The following ZNF385D variants were observed in gnomAD, a reference collection of about 807,000 sequenced individuals.
ZNF385D encodes the protein zinc finger protein 385D, also known as zinc finger protein 659.
ZNF385D carries 15 observed loss-of-function variants against 35.8 expected under a neutral mutation model. That is an observed-to-expected ratio of 0.42 (90% CI 0.28 to 0.64). ZNF385D has a LOEUF of 0.64. Ranked by LOEUF, ZNF385D falls within the 30% of genes least tolerant of loss-of-function variation. ZNF385D has a pLI of 0.23. For synonymous variants in ZNF385D, 212 were observed against 186.8 expected, an observed-to-expected ratio of 1.13 and a Z score of -1.10; for missense variants, 474 against 494.6, an observed-to-expected ratio of 0.96 and a Z score of 0.39.
chr3:21,514,175 G>A (rs139716866), intron 3 of ZNF385D, among the ~76,000 whole-genome samples: 1 of 152,244 alleles, frequency 6.6e-6, no homozygotes, highest in Non-Finnish European at 1.5e-5. Flanking sequence ...CTAAGAGATT[G>A]TGTCTTATTA....
intron 2 of ZNF385D, among the ~76,000 whole-genome samples, chr3:22,321,860 T>C (rs1292138523): frequency 6.6e-6 from 1 of 152,162 alleles, no homozygotes; most frequent in Non-Finnish European, 1.5e-5. Context: ...GAATCTTCAT[T>C]CTTTTAATAG....
intron 3 of ZNF385D, among the ~76,000 whole-genome samples, chr3:22,105,249 G>C (rs1463403508): frequency 6.6e-6 from 1 of 151,130 alleles, no homozygotes; most frequent in South Asian, 2.1e-4. Context: ...AAAATATTAA[G>C]TGCCAAATAG....
chr3:21,739,497 G>C (rs1271499192), intron 1 of ZNF385D, among the ~76,000 whole-genome samples: 3 of 152,104 alleles, frequency 2.0e-5, no homozygotes, highest in African/African-American at 7.2e-5. Context: ...AACACTAATG[G>C]ATAAACAAGG....
intron 3 of ZNF385D, among the ~76,000 whole-genome samples, chr3:21,823,549 T>G (rs1370934427): frequency 6.6e-6 from 1 of 152,158 alleles, no homozygotes; most frequent in Non-Finnish European, 1.5e-5. Context: ...CATTACAGCC[T>G]CTCTCTGGGG....
intron 2 of ZNF385D, among the ~76,000 whole-genome samples, chr3:22,245,519 T>C (rs1699729344): frequency 6.7e-6 from 1 of 149,368 alleles, no homozygotes; most frequent in African/African-American, 2.5e-5. Flanking sequence ...AAAATTAAAG[T>C]AGGGAGCGCA....
Position 22,080,875 on chromosome 3 carries a change from T to C in ZNF385D, c.325+87942A>G, listed in dbSNP as rs544971544. Among the ~76,000 whole-genome samples the C allele has an allele frequency of 2.0e-5, 3 of 152,236 alleles. No homozygotes were observed. In the East Asian group the frequency reaches 5.8e-4, roughly 29 times the overall value. ...GGACACAGTAAGAAGGCACCATCTA[T>C]GAACCACGAAACAGACACTCACCAG... On this transcript the variant is annotated intron_variant, in intron 3 of 5. Transcript: ENST00000494108.
intron 3 of ZNF385D, among the ~76,000 whole-genome samples, chr3:21,855,632 G>C (rs528351714): frequency 6.6e-6 from 1 of 152,078 alleles, no homozygotes; most frequent in African/African-American, 2.4e-5. Context: ...TACCAATATA[G>C]ACCTGGAGCT....
chr3:22,003,859 T>A (rs1696019915), intron 3 of ZNF385D, among the ~76,000 whole-genome samples: 1 of 143,128 alleles, frequency 7.0e-6, no homozygotes, highest in Non-Finnish European at 1.5e-5. Flanking sequence ...AAAGCAAGAC[T>A]CCATCCCCCC....
intron 3 of ZNF385D, among the ~76,000 whole-genome samples, chr3:21,842,317 G>C (rs974051345): frequency 3.3e-5 from 5 of 151,906 alleles, no homozygotes; most frequent in African/African-American, 1.2e-4. Context: ...TTAGGGTTTT[G>C]GGAGAAAAAG....
chr3:21,620,188 A>T (rs2064963738), intron 2 of ZNF385D, among the ~76,000 whole-genome samples: 1 of 152,182 alleles, frequency 6.6e-6, no homozygotes, highest in African/African-American at 2.4e-5. Context: ...ATAGTCAGCG[A>T]TCTCTGGCTG....
At chr3:22,220,653 A>G (rs567122995) in intron 2 of ZNF385D, among the ~76,000 whole-genome samples, 34 of 152,298 alleles carry the variant, frequency 2.2e-4, no homozygotes, top group African/African-American at 6.5e-4. Flanking sequence ...GAGTCTTCAC[A>G]TGTGCCAAAC....
intron 3 of ZNF385D, among the ~76,000 whole-genome samples, chr3:22,089,063 A>C (rs918404945): frequency 6.6e-6 from 1 of 152,238 alleles, no homozygotes; most frequent in Non-Finnish European, 1.5e-5. Flanking sequence ...TCAAATAAGC[A>C]AAAATAACCA....
rs562537529 is a variant in ZNF385D, at chr3:21,975,881, C to T, written c.325+192936G>A. The stretch of plus-strand genomic sequence containing the variant: ...TTCTTCCATTGAGTCATCTGATTAA[C>T]TACACAGGACAAGATGCAAACGAGC... On this transcript the variant is annotated intron_variant, in intron 3 of 5. Transcript: ENST00000494108. Among the ~76,000 whole-genome samples, 383 of 151,668 alleles carry T rather than the reference C, an allele frequency of 2.5e-3. 3 individuals are homozygous for T. The highest frequency in any genetic ancestry group is 2.0e-3 in the Non-Finnish European group (138 of 67,962).
At chr3:22,111,365 G>T (rs181248206) in intron 3 of ZNF385D, among the ~76,000 whole-genome samples, 7 of 151,950 alleles carry the variant, frequency 4.6e-5, no homozygotes, top group Non-Finnish European at 8.8e-5. Context: ...GTAAGTTCAA[G>T]CAGATGCTAG....
At chr3:22,000,806 C>A (rs530740510) in intron 3 of ZNF385D, among the ~76,000 whole-genome samples, 1 of 150,984 alleles carries the variant, frequency 6.6e-6, no homozygotes, top group East Asian at 1.9e-4. Flanking sequence ...CCTAGGAAAT[C>A]TAACCTTGAA....
intron 2 of ZNF385D, among the ~76,000 whole-genome samples, chr3:22,334,494 C>T (rs994586085): frequency 1.3e-5 from 2 of 152,140 alleles, no homozygotes; most frequent in African/African-American, 4.8e-5. Flanking sequence ...GCTGCTCATA[C>T]ATCTCTGAGC....
intron 2 of ZNF385D, among the ~76,000 whole-genome samples, chr3:22,366,498 A>G (rs189234550): frequency 6.6e-6 from 1 of 152,300 alleles, no homozygotes; most frequent in African/African-American, 2.4e-5. Flanking sequence ...TCAAAATTAA[A>G]ACATATTAAA....
chr3:22,135,639 G>C (rs1418077811), intron 3 of ZNF385D, among the ~76,000 whole-genome samples: 1 of 151,910 alleles, frequency 6.6e-6, no homozygotes, highest in African/African-American at 2.4e-5. Context: ...TACAACTTAA[G>C]GGAAGAAAAA....
At chr3:21,928,394 A>C (rs1353241891) in intron 3 of ZNF385D, among the ~76,000 whole-genome samples, 4 of 151,734 alleles carry the variant, frequency 2.6e-5, no homozygotes, top group African/African-American at 9.7e-5. Context: ...AAGAAAGATG[A>C]AAAGAAGGAA....
Sources: gnomAD v4.1 joint callset for allele counts (sites outside exome capture counted in the v4.1 genomes callset) on GRCh38, gnomAD v4.1.1 for gene constraint, MANE v1.5 for transcripts, NCBI Gene and HGNC (gene_info 2026-07-23, HGNC 2026-07-21) for gene names.